The following ASNS variants were observed in gnomAD, a reference collection of about 807,000 sequenced individuals.
The protein encoded by ASNS is asparagine synthetase (glutamine-hydrolyzing), also known as asparagine synthetase [glutamine-hydrolyzing].
ASNS carries 37 observed loss-of-function variants against 62.6 expected under a neutral mutation model. The observed-to-expected ratio is 0.59, with a 90% CI of 0.45 to 0.78. ASNS has a LOEUF of 0.78. Ranked by LOEUF, ASNS falls within the 30% of genes least tolerant of loss-of-function variation. The pLI is 0.00. For missense variants in ASNS, 520 were observed against 682.4 expected (o/e 0.76, Z 2.65); for synonymous variants, 207 against 237.9 (o/e 0.87, Z 1.19).
chr7:97,924,160 A>C, the ASNS span, among the ~76,000 whole-genome samples: 4 of 152,112 alleles, frequency 2.6e-5, no homozygotes. Context: ...CAGCACAGTA[A>C]GACTTGCTTC....
the ASNS span, among the ~76,000 whole-genome samples, chr7:97,916,500 T>C: frequency 2.0e-5 from 3 of 152,204 alleles, no homozygotes; most frequent in Non-Finnish European, 4.4e-5. Context: ...AGCAACTCTT[T>C]GCAAGCAGCT....
the ASNS span, among the ~76,000 whole-genome samples, chr7:97,899,792 A>G: frequency 1.1e-3 from 162 of 152,044 alleles, no homozygotes; most frequent in Non-Finnish European, 1.6e-3. Flanking sequence ...GTAGACAACA[A>G]TAGGTGTATC....
chr7:97,922,399 G>T, the ASNS span, among the ~76,000 whole-genome samples: 3 of 152,042 alleles, frequency 2.0e-5, no homozygotes. Flanking sequence ...GAAAAAAGTT[G>T]AATTCACAGA....
At chr7:97,889,912 C>A in the ASNS span, among the ~76,000 whole-genome samples, 1 of 24,596 alleles carries the variant, frequency 4.1e-5, no homozygotes, top group Non-Finnish European at 7.9e-5. Flanking sequence ...TACAAGAGAA[C>A]ACAGATAATG....
chr7:97,866,750 T>C (rs139893347), intron 3 of ASNS, among the ~76,000 whole-genome samples: 8 of 152,358 alleles, frequency 5.3e-5, no homozygotes, highest in African/African-American at 1.9e-4. Flanking sequence ...AATTTGTGAA[T>C]CTTTTGTCTA....
chr7:97,864,982 T>C (rs1449276226), intron 3 of ASNS, among the ~76,000 whole-genome samples: 3 of 152,184 alleles, frequency 2.0e-5, no homozygotes, highest in Non-Finnish European at 2.9e-5. Flanking sequence ...ACACAAAACC[T>C]AAAGGTAATT....
At chr7:97,881,794 C>G in the ASNS span, among the ~76,000 whole-genome samples, 1 of 152,246 alleles carries the variant, frequency 6.6e-6, no homozygotes, top group East Asian at 1.9e-4. Flanking sequence ...GGAGGGACGT[C>G]TCATTGAAGA....
the ASNS span, chr7:97,912,901 A>C: frequency 6.6e-6 from 1 of 151,976 alleles, no homozygotes; most frequent in East Asian, 1.9e-4. Context: ...TTTTTTTTTT[A>C]ATAGACAGCT....
chr7:97,896,737 CACACATAT>C, the ASNS span, among the ~76,000 whole-genome samples: 130 of 30,514 alleles, frequency 4.3e-3, 5 homozygotes, highest in African/African-American at 5.6e-3. Context: ...CACACACACA[CACACATAT>C]ATATATATAT....
At chr7:97,882,115 G>A in the ASNS span, among the ~76,000 whole-genome samples, 1 of 152,028 alleles carries the variant, frequency 6.6e-6, no homozygotes, top group Non-Finnish European at 1.5e-5. Context: ...GCCTCCCAAA[G>A]TACTGGGATT....
rs1430382146 is a variant in ASNS at position 97,852,292 on chromosome 7, C to T, written c.1653G>A (p.Thr551=). The change falls in exon 13 of 13, where the codon ACG becomes ACA. Residue 551 remains threonine (T), a synonymous_variant. Transcript: ENST00000394308. ...WINATDPSAR[T]LTHYKSAVKA ...TGACAGCTGACTTGTAGTGGGTCAGCGTGCGGGCAGAAGGGTCAGTGGCAT... is the reference window on the plus strand; with the variant it reads ...TGACAGCTGACTTGTAGTGGGTCAGTGTGCGGGCAGAAGGGTCAGTGGCAT... The T allele has an allele frequency of 1.2e-6, 2 of 1,614,110 alleles. No homozygotes were observed. The highest frequency in any genetic ancestry group is 1.3e-5 in the African/African-American group (1 of 75,038).
the ASNS span, among the ~76,000 whole-genome samples, chr7:97,924,085 GC>G: frequency 4.6e-5 from 7 of 151,996 alleles, no homozygotes; most frequent in Non-Finnish European, 1.0e-4. Flanking sequence ...TGCCAACCCT[GC>G]GGTTAAATGT....
chr7:97,900,790 CTAAACTTTATGA>C, the ASNS span, among the ~76,000 whole-genome samples: 1 of 152,006 alleles, frequency 6.6e-6, no homozygotes, highest in Non-Finnish European at 1.5e-5. Context: ...AGACTGACTG[CTAAACTTTATGA>C]ATGATGAGGG....
chr7:97,896,308 G>C, the ASNS span, among the ~76,000 whole-genome samples: 8 of 152,026 alleles, frequency 5.3e-5, no homozygotes, highest in East Asian at 5.8e-4. Flanking sequence ...ACTGCAAAGA[G>C]GCCGGGCGAG....
chr7:97,884,870 G>A, the ASNS span, among the ~76,000 whole-genome samples: 2 of 152,144 alleles, frequency 1.3e-5, no homozygotes, highest in African/African-American at 4.8e-5. Context: ...GTATCCATGA[G>A]CAGTTTCCTG....
chr7:97,874,628 C>A (rs1416913333), upstream of ASNS, among the ~76,000 whole-genome samples: 2 of 152,244 alleles, frequency 1.3e-5, no homozygotes, highest in Non-Finnish European at 2.9e-5. Flanking sequence ...AATCCACGTT[C>A]TTCTGTCATG....
At chr7:97,870,677 G>T (rs1290189952) in intron 1 of ASNS, among the ~76,000 whole-genome samples, 3 of 152,180 alleles carry the variant, frequency 2.0e-5, no homozygotes, top group Admixed American at 2.0e-4. Flanking sequence ...AGATTTAAAT[G>T]AGATGACTAC....
At chr7:97,866,129 T>C (rs2394741) in intron 3 of ASNS, among the ~76,000 whole-genome samples, 112,991 of 152,154 alleles carry the variant, frequency 0.74, 43,204 homozygotes, top group African/African-American at 0.93. Flanking sequence ...AACGTGTCTT[T>C]TGCAACTATA....
At chr7:97,861,099 G>A (rs1345948506) in intron 4 of ASNS, among the ~76,000 whole-genome samples, 3 of 137,554 alleles carry the variant, frequency 2.2e-5, no homozygotes, top group Non-Finnish European at 4.5e-5. Flanking sequence ...TCGGCTTACC[G>A]CAAGCTCCGT....
Sources: allele counts gnomAD v4.1 joint callset (sites outside exome capture counted in the v4.1 genomes callset), GRCh38; gene constraint gnomAD v4.1.1; transcripts MANE v1.5; gene names NCBI Gene and HGNC (gene_info 2026-07-23, HGNC 2026-07-21).